The following ADCY3 variants were observed in gnomAD, a reference collection of about 807,000 sequenced individuals.
ADCY3 encodes adenylate cyclase type 3.
Under a neutral mutation model 119.4 loss-of-function variants are expected in ADCY3, and 70 were observed. That is an observed-to-expected ratio of 0.59 (90% CI 0.48 to 0.72). ADCY3 has a LOEUF of 0.72. Among genes scored for constraint, ADCY3 ranks in the 30% least tolerant of loss-of-function variants. The pLI, the probability that ADCY3 is intolerant of heterozygous loss-of-function variation, is 0.00. For missense variants in ADCY3, 1,238 were observed against 1,541.6 expected, an observed-to-expected ratio of 0.80 and a Z score of 3.30; for synonymous variants, 672 against 621.4, an observed-to-expected ratio of 1.08 and a Z score of -1.21.
chr2:24,831,474 G>A (rs1393812849), intron 12 of ADCY3, among the ~76,000 whole-genome samples, 188 bp downstream of exon 12: 1 of 152,232 alleles, frequency 6.6e-6, no homozygotes, highest in East Asian at 1.9e-4. Flanking sequence ...CCACAGCCTG[G>A]TGGCCCAGCC....
chr2:24,838,555 C>T lies in ADCY3; in HGVS notation c.1423G>A (p.Gly475Arg), dbSNP rs1453937352. The change falls in exon 8 of 22, where the codon GGG becomes AGG. Residue 475 changes from glycine to arginine, a missense_variant. Physicochemically the swap from Gly to Arg is moderately radical, Grantham distance 125. Coordinates refer to ENST00000679454, the MANE Select transcript of ADCY3 (RefSeq NM_004036.5). ...KGEFDVEPGD[G>R]GSRCDYLEEK... ...TCTAGGTAATCACAGCGGCTGCCCC[C>T]ATCGCCTGGCTCCACATCAAACTCC... is the stretch of plus-strand genomic sequence containing the variant. The T allele has an allele frequency of 6.2e-7, 1 of 1,614,194 alleles. No homozygotes were observed. The highest frequency in any genetic ancestry group is 1.7e-5 in the Admixed American group (1 of 60,028).
chr2:24,865,622 T>C (rs1674197039), intron 3 of ADCY3, among the ~76,000 whole-genome samples: 1 of 151,374 alleles, frequency 6.6e-6, no homozygotes, highest in Admixed American at 6.6e-5. Context: ...CTAGGGGAAA[T>C]GAAGGTGGGA....
chr2:24,868,038 A>G (rs1674509662), intron 3 of ADCY3, among the ~76,000 whole-genome samples: 1 of 152,206 alleles, frequency 6.6e-6, no homozygotes, highest in Non-Finnish European at 1.5e-5. Context: ...TTGGCAGAAT[A>G]TACATTATTC....
intron 2 of ADCY3, among the ~76,000 whole-genome samples, chr2:24,886,607 A>G (rs1677058600): frequency 6.6e-6 from 1 of 152,180 alleles, no homozygotes; most frequent in Non-Finnish European, 1.5e-5. Context: ...ACAACCAGGA[A>G]TGAAGGGAGA....
chr2:24,919,105 G>A lies in ADCY3; in HGVS notation c.-118C>T. ...GGGGGAGGGCTGAGGGCCTCTTCTT[G>A]TCTGGGGCGGAGGGGAGGCCACCTC... On this transcript the variant is annotated 5_prime_UTR_variant, in exon 2 of 22. Coordinates refer to ENST00000679454, the MANE Select transcript of ADCY3 (RefSeq NM_004036.5). The surrounding 1 kb of genome is among the most constrained non-coding windows in gnomAD (Gnocchi z 5.5). The A allele has an allele frequency of 8.7e-7, 1 of 1,146,946 alleles. No homozygotes were observed. The highest frequency in any genetic ancestry group is 2.9e-5 in the Admixed American group (1 of 35,072). 71.0% of individuals were successfully genotyped at this position (1,146,946 alleles called of 1,614,324 possible). A position where few individuals can be genotyped will look rare whatever the true frequency, so the allele number is the denominator to read the frequency against.
chr2:24,868,771 C>G (rs1409447808), intron 3 of ADCY3, among the ~76,000 whole-genome samples: 1 of 152,092 alleles, frequency 6.6e-6, no homozygotes, highest in Non-Finnish European at 1.5e-5. Flanking sequence ...AATCCCAGCA[C>G]TTTGGGAGAC....
At chr2:24,828,285 G>C in intron 13 of ADCY3, 124 bp from the exon 14 acceptor site, 1 of 1,152,114 alleles carries the variant, frequency 8.7e-7, no homozygotes, top group Non-Finnish European at 1.2e-6. Flanking sequence ...GAAATACCGG[G>C]AAAGATGGGG....
At chr2:24,916,123 A>T (rs1264655531) in intron 2 of ADCY3, among the ~76,000 whole-genome samples, 4 of 152,178 alleles carry the variant, frequency 2.6e-5, no homozygotes, top group Non-Finnish European at 5.9e-5. Flanking sequence ...TGGGATGCTA[A>T]TATTTTTATT....
intron 2 of ADCY3, among the ~76,000 whole-genome samples, chr2:24,914,054 C>T (rs1446150020): frequency 6.6e-6 from 1 of 152,138 alleles, no homozygotes; most frequent in African/African-American, 2.4e-5. Flanking sequence ...CAGTCCCCTC[C>T]TTCCTCCTCA....
At chr2:24,858,879 C>T (rs906939691) in intron 3 of ADCY3, among the ~76,000 whole-genome samples, 1 of 152,218 alleles carries the variant, frequency 6.6e-6, no homozygotes, top group African/African-American at 2.4e-5. Context: ...CCACCAGGAA[C>T]CCACCACTGC....
At chr2:24,900,344 C>T (rs989388348) in intron 2 of ADCY3, among the ~76,000 whole-genome samples, 1 of 70,748 alleles carries the variant, frequency 1.4e-5, no homozygotes, top group Admixed American at 1.5e-4. Flanking sequence ...GACTCTGTCT[C>T]AAAAAAAAAA....
chr2:24,839,704 G>A (rs1220321803), intron 7 of ADCY3, among the ~76,000 whole-genome samples, 169 bp downstream of exon 7: 4 of 152,194 alleles, frequency 2.6e-5, no homozygotes, highest in South Asian at 2.1e-4. Flanking sequence ...AGGTCAGAAC[G>A]GCCTTAGCCA....
chr2:24,884,366 T>C (rs987663438), intron 2 of ADCY3, among the ~76,000 whole-genome samples: 4 of 152,134 alleles, frequency 2.6e-5, no homozygotes, highest in Non-Finnish European at 5.9e-5. Context: ...CTTCCAGCCT[T>C]CCTGGGTCTT....
intron 11 of ADCY3, among the ~76,000 whole-genome samples, chr2:24,833,381 C>T (rs1421520055): frequency 1.3e-5 from 2 of 152,198 alleles, no homozygotes; most frequent in African/African-American, 2.4e-5. Flanking sequence ...AAGCAGGTGT[C>T]CCCCAGATAG....
In ADCY3 at chr2:24,823,941, C is replaced by T. The variant is rs559455886; in HGVS notation, c.2736+437G>A. 3.3e-4 allele frequency among the ~76,000 whole-genome samples: 51 copies of T among 152,304 alleles called. 3 individuals carry two copies. The South Asian group carries it at 8.9e-3, about 27-fold the overall frequency. Reference sequence around the variant, plus strand: ...AACTCCTGACCTCAGATGATCCACCCGCCTCGGCCTCCCAAAGTGCCGGGA... The same window carrying T: ...AACTCCTGACCTCAGATGATCCACCTGCCTCGGCCTCCCAAAGTGCCGGGA... On this transcript the variant is annotated intron_variant, in intron 17 of 21. Coordinates refer to ENST00000679454, the MANE Select transcript of ADCY3 (RefSeq NM_004036.5).
intron 2 of ADCY3, among the ~76,000 whole-genome samples, chr2:24,901,793 A>AG (rs397801025): frequency 6.7e-6 from 1 of 149,010 alleles, no homozygotes; most frequent in Admixed American, 6.7e-5. Context: ...AAAAAAAAAA[A>AG]GAAGAAGGAA....
chr2:24,901,504 T>C (rs1678896773), intron 2 of ADCY3, among the ~76,000 whole-genome samples: 1 of 152,152 alleles, frequency 6.6e-6, no homozygotes, highest in African/African-American at 2.4e-5. Flanking sequence ...GAATTCAAGG[T>C]AGGCAAGACA....
intron 2 of ADCY3, among the ~76,000 whole-genome samples, chr2:24,892,383 G>C (rs901939060): frequency 4.5e-4 from 68 of 152,020 alleles, no homozygotes; most frequent in Non-Finnish European, 5.9e-5. Context: ...CAAGTAGCTG[G>C]GATTACAGGC....
Position 24,838,447 on chromosome 2 carries a change from A to C in ADCY3, c.1531T>G (p.Ser511Ala), listed in dbSNP as rs1209469270. 6.2e-7 allele frequency: 1 copy of C among 1,611,628 alleles called. No homozygotes were observed. Among genetic ancestry groups the C allele is most frequent in the South Asian group, 1.1e-5 (1 of 90,950 alleles). Residue 511 changes from serine to alanine, a missense_variant and splice_region_variant, in exon 8 of 22, where the codon TCG becomes GCG. Ser to Ala is a moderately conservative substitution (Grantham distance 99). Transcript: ENST00000679454. The part of the protein sequence containing the change: ...KTATQNGLNG[S>A]ALPNGAPASS... ...GTGGGGTGGGGTGGGGAACTCACCG[A>C]GCCATTGAGGCCATTCTGGGTGGCT...
Sources: gnomAD v4.1 joint callset for allele counts (sites outside exome capture counted in the v4.1 genomes callset) on GRCh38, gnomAD v4.1.1 for gene constraint, Gnocchi (gnomAD v3.1) non-coding constraint, MANE v1.5 for transcripts, NCBI Gene and HGNC (gene_info 2026-07-23, HGNC 2026-07-21) for gene names.